Variants in PTPRD observed in about 807,000 individuals in gnomAD.
PTPRD encodes the protein protein tyrosine phosphatase receptor type D, also known as receptor-type tyrosine-protein phosphatase delta.
A neutral mutation model predicts 214.5 loss-of-function variants in PTPRD; 34 were observed. The observed-to-expected ratio is 0.16, with a 90% CI of 0.12 to 0.21. PTPRD has a LOEUF of 0.21. Ranked by LOEUF, PTPRD falls within the 10% of genes least tolerant of loss-of-function variation. PTPRD has a pLI of 1.00. For missense variants in PTPRD, 2,545 were observed against 2,398.7 expected, an observed-to-expected ratio of 1.06 and a Z score of -1.27; for synonymous variants, 1,128 against 845.7, an observed-to-expected ratio of 1.33 and a Z score of -5.79.
intron 12 of PTPRD, among the ~76,000 whole-genome samples, chr9:8,652,462 C>A (rs1174842041): frequency 1.3e-5 from 2 of 152,176 alleles, no homozygotes; most frequent in Non-Finnish European, 1.5e-5. Flanking sequence ...CCCTGCTATC[C>A]TTAGAACACA....
chr9:9,252,867 G>T (rs561626279), intron 9 of PTPRD, among the ~76,000 whole-genome samples: 22 of 151,892 alleles, frequency 1.4e-4, no homozygotes, highest in Non-Finnish European at 2.9e-4. Context: ...CCAATCACAC[G>T]CAAGAGTAGA....
intron 12 of PTPRD, among the ~76,000 whole-genome samples, chr9:8,703,145 C>G (rs1447485621): frequency 6.6e-6 from 1 of 152,194 alleles, no homozygotes; most frequent in Admixed American, 6.5e-5. Context: ...AATAGTGAAT[C>G]TGGAAATCTA....
chr9:10,451,227 C>G (rs1395895401), intron 2 of PTPRD, among the ~76,000 whole-genome samples: 1 of 151,866 alleles, frequency 6.6e-6, no homozygotes, highest in Non-Finnish European at 1.5e-5. Context: ...GAACAAAACA[C>G]TGTTTCAGGT....
intron 9 of PTPRD, among the ~76,000 whole-genome samples, chr9:9,191,303 G>A (rs149158657): frequency 1.5e-3 from 230 of 152,160 alleles, no homozygotes; most frequent in Non-Finnish European, 2.5e-3. Flanking sequence ...AGATAGGAAG[G>A]GGTCTTCTGA....
chr9:9,879,804 G>C (rs1375775248), intron 5 of PTPRD, among the ~76,000 whole-genome samples: 1 of 152,156 alleles, frequency 6.6e-6, no homozygotes, highest in African/African-American at 2.4e-5. Context: ...TTTCTGATCA[G>C]CTTAATATTG....
chr9:8,604,347 C>T (rs1282044433), intron 14 of PTPRD, among the ~76,000 whole-genome samples: 3 of 152,096 alleles, frequency 2.0e-5, no homozygotes, highest in African/African-American at 4.8e-5. Context: ...GAATAGATTT[C>T]CCAGTAAACA....
intron 10 of PTPRD, among the ~76,000 whole-genome samples, chr9:9,169,020 T>A (rs1199297465): frequency 1.3e-5 from 2 of 152,006 alleles, no homozygotes; most frequent in African/African-American, 2.4e-5. Context: ...GCTTCTGTCA[T>A]AGAAATAACC....
intron 12 of PTPRD, among the ~76,000 whole-genome samples, chr9:8,658,307 G>A (rs2096955147): frequency 6.6e-6 from 1 of 152,072 alleles, no homozygotes; most frequent in South Asian, 2.1e-4. Flanking sequence ...CTTACTACTA[G>A]TTGCAATAAA....
At chr9:9,196,529 G>A (rs890187552) in intron 9 of PTPRD, among the ~76,000 whole-genome samples, 22 of 152,054 alleles carry the variant, frequency 1.4e-4, no homozygotes, top group African/African-American at 4.8e-4. Flanking sequence ...ACAGGTCTAG[G>A]ATTCTAATCC....
chr9:9,659,663 GA>G (rs1318483734), intron 7 of PTPRD, among the ~76,000 whole-genome samples: 2 of 151,892 alleles, frequency 1.3e-5, no homozygotes, highest in Admixed American at 6.6e-5. Flanking sequence ...AGCTGTCAAT[GA>G]AAAAATAAAT....
Position 10,497,721 on chromosome 9 carries a change from A to T in PTPRD, c.-600+114677T>A, listed in dbSNP as rs571629177. ...AAATTATGTTTAAAAAGAAAAGAATATGAATAATGTGTGTATATACTTAAC... is the reference window on the plus strand; with the variant it reads ...AAATTATGTTTAAAAAGAAAAGAATTTGAATAATGTGTGTATATACTTAAC... On this transcript the variant is annotated intron_variant, in intron 2 of 45. Coordinates refer to ENST00000381196, the MANE Select transcript of PTPRD (RefSeq NM_002839.4). 5.9e-5 allele frequency among the ~76,000 whole-genome samples: 9 copies of T among 152,160 alleles called. 1 individual carries two copies. The South Asian group carries it at 1.4e-3, about 25-fold the overall frequency.
chr9:9,111,768 C>T (rs2099806400), intron 10 of PTPRD, among the ~76,000 whole-genome samples: 1 of 151,970 alleles, frequency 6.6e-6, no homozygotes, highest in Non-Finnish European at 1.5e-5. Flanking sequence ...TGTGGAGACG[C>T]TTGAGGAAAA....
chr9:8,389,088 G>T, intron 37 of PTPRD, 144 bp downstream of exon 37: 2 of 531,436 alleles, frequency 3.8e-6, no homozygotes, highest in Non-Finnish European at 3.0e-6. Flanking sequence ...GGTTTAATTA[G>T]AGTTGTTGAT....
intron 3 of PTPRD, among the ~76,000 whole-genome samples, chr9:10,050,589 A>G (rs2097516338): frequency 6.9e-6 from 1 of 145,564 alleles, no homozygotes; most frequent in Non-Finnish European, 1.5e-5. Flanking sequence ...AAAAAAAAAA[A>G]AGACTATGTC....
intron 5 of PTPRD, among the ~76,000 whole-genome samples, chr9:9,784,392 A>C (rs995624754): frequency 2.0e-5 from 3 of 152,116 alleles, no homozygotes; most frequent in African/African-American, 7.2e-5. Flanking sequence ...TATTTACAAT[A>C]AATAAGCTTT....
intron 4 of PTPRD, among the ~76,000 whole-genome samples, chr9:10,001,452 G>C (rs1450147668): frequency 3.3e-5 from 5 of 152,060 alleles, no homozygotes. Flanking sequence ...AGATCCACAA[G>C]TAGAAACATC....
chr9:9,663,285 T>C (rs868618506), intron 7 of PTPRD, among the ~76,000 whole-genome samples: 1 of 151,452 alleles, frequency 6.6e-6, no homozygotes, highest in African/African-American at 2.4e-5. Flanking sequence ...CTGATTAATA[T>C]ATAGAAGTAA....
chr9:9,030,345 T>C (rs1336128394), intron 10 of PTPRD, among the ~76,000 whole-genome samples: 1 of 139,744 alleles, frequency 7.2e-6, no homozygotes, highest in African/African-American at 2.6e-5. Flanking sequence ...CACTAGTAAG[T>C]ATACCTATCA....
intron 8 of PTPRD, among the ~76,000 whole-genome samples, chr9:9,463,420 C>CAG (rs997844406): frequency 5.8e-4 from 87 of 151,102 alleles, no homozygotes; most frequent in African/African-American, 1.7e-3. Flanking sequence ...GAGAGAGCTC[C>CAG]AGAGAGAGAG....
Sources: gnomAD v4.1 joint callset for allele counts (sites outside exome capture counted in the v4.1 genomes callset) on GRCh38, gnomAD v4.1.1 for gene constraint, MANE v1.5 for transcripts, NCBI Gene and HGNC (gene_info 2026-07-23, HGNC 2026-07-21) for gene names.